Variants in DCAKD observed in about 807,000 individuals in gnomAD.
DCAKD encodes the protein dephospho-CoA kinase domain containing.
A neutral mutation model predicts 18.7 loss-of-function variants in DCAKD; 15 were observed. The ratio of observed to expected loss-of-function variants is 0.80; its 90% CI spans 0.54 to 1.24. The LOEUF (loss-of-function observed/expected upper bound fraction) is 1.24, where lower values mean the gene tolerates loss of function less well. Among genes scored for constraint, DCAKD ranks in the 50% most tolerant of loss-of-function variants. DCAKD has a pLI of 0.00. For missense variants in DCAKD, 301 were observed against 322.0 expected, an observed-to-expected ratio of 0.93 and a Z score of 0.50; for synonymous variants, 130 against 133.0, an observed-to-expected ratio of 0.98 and a Z score of 0.16.
At chr17:45,043,944 G>T (rs1425930990) in intron 1 of DCAKD, among the ~76,000 whole-genome samples, 4 of 152,112 alleles carry the variant, frequency 2.6e-5, no homozygotes, top group African/African-American at 9.7e-5. Context: ...AGCCCCCGGT[G>T]CATGAGCGCC....
chr17:45,034,812 C>T lies in DCAKD; in HGVS notation c.74G>A (p.Gly25Asp). The T allele has an allele frequency of 3.7e-6, 6 of 1,614,234 alleles. No individual in the cohort carries two copies. The highest frequency in any genetic ancestry group is 4.2e-6 in the Non-Finnish European group (5 of 1,180,044). Residue 25 changes from glycine (G) to aspartate (D), a missense_variant, in exon 2 of 5, where the codon GGC (glycine) becomes GAC (aspartate). Coordinates refer to ENST00000651974, the MANE Select transcript of DCAKD (RefSeq NM_001288655.2). ...CACGTCCACGTCAATCACCGCACAG[C>T]CCAGCTGCTGGAACACCTGGATCAC... is the stretch of plus-strand genomic sequence containing the variant. The part of the protein sequence containing the change: ...SSVIQVFQQL[G>D]CAVIDVDVMA...
At chr17:45,036,519 G>GA (rs1027995392) in intron 1 of DCAKD, among the ~76,000 whole-genome samples, 41 of 142,918 alleles carry the variant, frequency 2.9e-4, no homozygotes, top group East Asian at 6.1e-4. Context: ...CCGTCTCAGA[G>GA]AAAAAAAAAA....
intron 4 of DCAKD, among the ~76,000 whole-genome samples, chr17:45,025,467 T>G (rs1248832361): frequency 6.6e-6 from 1 of 152,034 alleles, no homozygotes; most frequent in African/African-American, 2.4e-5. Context: ...CCAAGAGAAA[T>G]TCAAAGAATA....
chr17:45,026,456 G>A (rs1202091239), intron 4 of DCAKD: 3 of 219,388 alleles, frequency 1.4e-5, no homozygotes, highest in Non-Finnish European at 2.3e-5. Context: ...TCGATCTCCT[G>A]ACCTTGTGAT....
upstream of DCAKD, among the ~76,000 whole-genome samples, chr17:45,054,741 TTCC>T (rs1823363979): frequency 6.6e-6 from 1 of 152,180 alleles, no homozygotes; most frequent in African/African-American, 2.4e-5. Flanking sequence ...TCTCACCCTT[TTCC>T]CTACTCCTGA....
chr17:45,027,942 C>A (rs559683319), intron 4 of DCAKD, among the ~76,000 whole-genome samples: 1 of 148,478 alleles, frequency 6.7e-6, no homozygotes. Flanking sequence ...GCTGAGATCG[C>A]GCCACTGTAC....
chr17:45,061,023 A>G (rs1350941900), exon 1 of DCAKD: 1 of 1,159,030 alleles, frequency 8.6e-7, no homozygotes, highest in Non-Finnish European at 1.1e-6. Flanking sequence ...TCGAACTACA[A>G]CTCCCATCAT....
intron 1 of DCAKD, among the ~76,000 whole-genome samples, chr17:45,058,283 C>G (rs2053808708): frequency 6.6e-6 from 1 of 152,092 alleles, no homozygotes; most frequent in Non-Finnish European, 1.5e-5. Flanking sequence ...CCATTGCACT[C>G]CAGCGTAGGC....
At chr17:45,060,980 T>G (rs2053844217) in exon 1 of DCAKD, 1 of 1,032,934 alleles carries the variant, frequency 9.7e-7, no homozygotes, top group Non-Finnish European at 1.2e-6. Flanking sequence ...CCTCGGATTT[T>G]GGAACCTCCA....
chr17:45,048,500 G>A (rs971574516), intron 1 of DCAKD, among the ~76,000 whole-genome samples: 1 of 152,164 alleles, frequency 6.6e-6, no homozygotes, highest in African/African-American at 2.4e-5. Context: ...AGCCAGGCAT[G>A]GTGGTACATG....
At chr17:45,053,264 T>G (rs545379771), upstream of DCAKD, among the ~76,000 whole-genome samples, 89 of 149,992 alleles carry the variant, frequency 5.9e-4, 3 homozygotes, top group East Asian at 0.015. Context: ...TTGGTTTGTT[T>G]GTTTGTTTGT....
intron 1 of DCAKD, among the ~76,000 whole-genome samples, chr17:45,057,691 C>T (rs1261913653): frequency 7.6e-6 from 1 of 131,972 alleles, no homozygotes. Flanking sequence ...CAACAGAGTG[C>T]GACTCCATCT....
Position 45,035,013 on chromosome 17 carries a change from GC to G in DCAKD, c.-114-15del. 1.1e-6 allele frequency: 1 copy of G among 925,326 alleles called. No homozygotes were observed. Among genetic ancestry groups the G allele is most frequent in the Non-Finnish European group, 1.7e-6 (1 of 592,206 alleles). 57.3% of individuals were successfully genotyped at this position (925,326 alleles called of 1,614,324 possible). ...TGCCAGAAGGACCTGCTTGGGAGAG[GC>G]CAGCGGGACTGATCAGTTTGGGCCA... On this transcript the variant is annotated splice_polypyrimidine_tract_variant and intron_variant, in intron 1 of 4. Transcript: ENST00000651974.
intron 1 of DCAKD, among the ~76,000 whole-genome samples, chr17:45,037,836 G>A (rs1332672154): frequency 7.4e-5 from 11 of 147,776 alleles, no homozygotes; most frequent in Admixed American, 1.4e-4. Flanking sequence ...GTGTGATCTC[G>A]GCTCACTGCA....
intron 4 of DCAKD, among the ~76,000 whole-genome samples, chr17:45,028,661 C>T (rs1229314310): frequency 6.6e-6 from 1 of 151,556 alleles, no homozygotes; most frequent in African/African-American, 2.4e-5. Flanking sequence ...CCACCTGCCT[C>T]GGCCTCCCAA....
chr17:45,035,480 TAAAAAAA>T (rs35837364), intron 1 of DCAKD, among the ~76,000 whole-genome samples: 1 of 86,952 alleles, frequency 1.2e-5, no homozygotes, highest in Non-Finnish European at 2.2e-5. Flanking sequence ...AGATTCCTTC[TAAAAAAA>T]AAAAAAAAAA....
intron 4 of DCAKD, 47 bp from the exon 5 acceptor site, chr17:45,024,771 C>G (rs897425218): frequency 6.6e-7 from 1 of 1,516,436 alleles, no homozygotes; most frequent in Non-Finnish European, 8.8e-7. Context: ...TCCCTCTCAC[C>G]CCAAGTTACA....
At chr17:45,040,025 G>A (rs576746504) in intron 1 of DCAKD, among the ~76,000 whole-genome samples, 11 of 152,100 alleles carry the variant, frequency 7.2e-5, no homozygotes, top group Admixed American at 2.6e-4. Context: ...TCTGGGAAGC[G>A]GAGGTTGCAG....
At chr17:45,044,169 C>T (rs1376172831) in intron 1 of DCAKD, among the ~76,000 whole-genome samples, 2 of 152,134 alleles carry the variant, frequency 1.3e-5, no homozygotes, top group African/African-American at 4.8e-5. Context: ...CCTACAGAAG[C>T]CTCATGAAAG....
Sources: gnomAD v4.1 joint callset for allele counts (sites outside exome capture counted in the v4.1 genomes callset) on GRCh38, gnomAD v4.1.1 for gene constraint, MANE v1.5 for transcripts, NCBI Gene and HGNC (gene_info 2026-07-23, HGNC 2026-07-21) for gene names.